The following ZNF292 variants were observed in gnomAD, a reference collection of about 807,000 sequenced individuals.
ZNF292 encodes the protein zinc finger protein 292.
In ZNF292, 26 loss-of-function variants were observed where a neutral mutation model predicts 217.9. That is an observed-to-expected ratio of 0.12 (90% confidence interval 0.09 to 0.17). The LOEUF is 0.17. Ranked by LOEUF, ZNF292 falls within the 10% of genes least tolerant of loss-of-function variation. The probability of loss-of-function intolerance (pLI) is 1.00; values close to 1 mark genes in which losing one functional copy is unlikely to be tolerated. For synonymous variants in ZNF292, 1,257 were observed against 1,124.1 expected (o/e 1.12, Z -2.37); for missense variants, 2,904 against 3,175.2 (o/e 0.91, Z 2.05).
intron 1 of ZNF292, 106 bp downstream of exon 1, chr6:87,155,865 G>C: frequency 1.5e-6 from 2 of 1,367,868 alleles, no homozygotes; most frequent in Non-Finnish European, 1.9e-6. Flanking sequence ...TGGCATCATC[G>C]GCGCCTCCGC....
rs994766466 is a variant in ZNF292 at position 87,194,478 on chromosome 6, AAGAG to A, written c.169-21420_169-21417del. 3.9e-5 allele frequency among the ~76,000 whole-genome samples: 6 copies of A among 152,188 alleles called. No individual in the cohort carries two copies. In the South Asian group the frequency reaches 6.2e-4, roughly 16 times the overall value. ...ACTTGCACATCTGACCAAGTGAAAA[AAGAG>A]AGAGCAGAAGTAGGCAAAATCAGGA... On this transcript the variant is annotated intron_variant, in intron 1 of 7. Coordinates refer to ENST00000369577, the MANE Select transcript of ZNF292 (RefSeq NM_015021.3).
At chr6:87,160,199 G>T (rs1032923891) in intron 1 of ZNF292, among the ~76,000 whole-genome samples, 26 of 152,322 alleles carry the variant, frequency 1.7e-4, no homozygotes, top group African/African-American at 6.3e-4. Context: ...ACTGAGGTGA[G>T]TACAGTAAAG....
At chr6:87,246,351 C>G (rs1199142941) in intron 7 of ZNF292, among the ~76,000 whole-genome samples, 1 of 152,184 alleles carries the variant, frequency 6.6e-6, no homozygotes, top group Non-Finnish European at 1.5e-5. Context: ...CAAACAGCCA[C>G]AAATACGTGA....
rs1257408770 is a variant in ZNF292 at position 87,261,760 on chromosome 6, GATATCAGT to G, written c.8135_8142del (p.Ile2712ArgfsTer2). On this transcript the variant is annotated frameshift_variant, in exon 8 of 8. Coordinates refer to ENST00000369577, the MANE Select transcript of ZNF292 (RefSeq NM_015021.3). LOFTEE classifies it high-confidence loss of function. ...TGATCCAGATATGTCTGTTATGAAAGATATCAGTATAGGTAAAGCCACAGGCAGAGGTC... is the reference window on the plus strand; with the variant it reads ...TGATCCAGATATGTCTGTTATGAAAGATAGGTAAAGCCACAGGCAGAGGTC... 3.1e-6 allele frequency: 5 copies of G among 1,612,670 alleles called. No individual in the cohort carries two copies. In the African/African-American group the frequency reaches 6.7e-5, roughly 22 times the overall value.
At chr6:87,188,161 A>G (rs1474038848) in intron 1 of ZNF292, among the ~76,000 whole-genome samples, 2 of 152,232 alleles carry the variant, frequency 1.3e-5, no homozygotes, top group East Asian at 3.8e-4. Context: ...TGCCAGTTGT[A>G]CATGAAAAAC....
chr6:87,180,600 C>T (rs1771444129), intron 1 of ZNF292, among the ~76,000 whole-genome samples: 1 of 152,196 alleles, frequency 6.6e-6, no homozygotes, highest in African/African-American at 2.4e-5. Flanking sequence ...GGAGGGCTTT[C>T]CTTGTGCAGG....
intron 3 of ZNF292, among the ~76,000 whole-genome samples, chr6:87,216,825 C>T (rs943237867): frequency 3.9e-5 from 6 of 151,994 alleles, no homozygotes; most frequent in Non-Finnish European, 8.8e-5. Flanking sequence ...ACTTGTCTAG[C>T]TAAGATCACA....
intron 1 of ZNF292, among the ~76,000 whole-genome samples, chr6:87,181,974 T>G (rs556344081): frequency 1.3e-5 from 2 of 152,220 alleles, no homozygotes; most frequent in South Asian, 4.2e-4. Context: ...GCCCGGCGGT[T>G]CTCATTTTTT....
At chr6:87,217,342 A>G (rs1772840616) in intron 3 of ZNF292, among the ~76,000 whole-genome samples, 1 of 152,086 alleles carries the variant, frequency 6.6e-6, no homozygotes, top group South Asian at 2.1e-4. Context: ...ATTCTGCATA[A>G]TGTCTTACAC....
chr6:87,169,634 G>A, intron 1 of ZNF292: 1 of 403,912 alleles, frequency 2.5e-6, no homozygotes, highest in Non-Finnish European at 5.1e-6. Flanking sequence ...TGAGCCATTA[G>A]CATTTAGTTG....
In ZNF292 at chr6:87,259,115, A is replaced by AAGG; in HGVS notation, c.5488_5489insGAG (p.Glu1829_Val1830insGly). 6.2e-7 allele frequency: 1 copy of AAGG among 1,613,408 alleles called. No homozygotes were observed. Among genetic ancestry groups the AAGG allele is most frequent in the Non-Finnish European group, 8.5e-7 (1 of 1,179,650 alleles). ...ACAAAAAGTAACATTCCTCAGTCTG[A>AAGG]AGTATCACATAAGGAGGATCAAATA... On this transcript the variant is annotated inframe_insertion, in exon 8 of 8. Transcript: ENST00000369577.
In ZNF292 at chr6:87,215,839, CTGA is replaced by C. The variant is rs1261810339; in HGVS notation, c.169-60_169-58del. On this transcript the variant is annotated intron_variant, in intron 1 of 7. Coordinates refer to ENST00000369577, the MANE Select transcript of ZNF292 (RefSeq NM_015021.3). Reference sequence around the variant, plus strand: ...TTCAAAATTTTTCAGGAAAAAACAGCTGATGAGTCAATGTATATTTTGATTTAC... The same window carrying C: ...TTCAAAATTTTTCAGGAAAAAACAGCTGAGTCAATGTATATTTTGATTTAC... 9 of 1,314,162 alleles carry C rather than the reference CTGA, an allele frequency of 6.8e-6. No homozygotes were observed. The South Asian group carries it at 8.2e-5, about 12-fold the overall frequency. The allele number at this position is 1,314,162 out of a possible 1,614,324, so 81.4% of individuals were successfully genotyped here. A position where few individuals can be genotyped will look rare whatever the true frequency, so the allele number is the denominator to read the frequency against.
At chr6:87,203,133 CTT>C (rs67229216) in intron 1 of ZNF292, among the ~76,000 whole-genome samples, 1,174 of 116,226 alleles carry the variant, frequency 0.01, 13 homozygotes, top group African/African-American at 0.031. Flanking sequence ...ATATATTTTC[CTT>C]TTTTTTTTTT....
chr6:87,255,645 CCAG>C lies in ZNF292; in HGVS notation c.2017_2019del (p.Gln673del). ...CCTATGAGCCAGAAGTGATTCCAGT[CCAG>C]AAACCAGTACCTGTTAATGAATTTA... On this transcript the variant is annotated inframe_deletion, in exon 8 of 8. Coordinates refer to ENST00000369577, the MANE Select transcript of ZNF292 (RefSeq NM_015021.3). 6.2e-7 allele frequency: 1 copy of C among 1,612,906 alleles called. No individual in the cohort carries two copies. The highest frequency in any genetic ancestry group is 8.5e-7 in the Non-Finnish European group (1 of 1,179,386).
chr6:87,176,795 C>T (rs1284852950), intron 1 of ZNF292, among the ~76,000 whole-genome samples: 1 of 152,194 alleles, frequency 6.6e-6, no homozygotes, highest in Non-Finnish European at 1.5e-5. Context: ...CCGTCACTCA[C>T]TCTGGATAGG....
chr6:87,180,188 A>G (rs1021993152), intron 1 of ZNF292, among the ~76,000 whole-genome samples: 2 of 152,152 alleles, frequency 1.3e-5, no homozygotes, highest in Non-Finnish European at 2.9e-5. Context: ...CAAAACAAAA[A>G]CCTTATTTAC....
At chr6:87,253,442 T>C (rs1314175103) in intron 7 of ZNF292, among the ~76,000 whole-genome samples, 1 of 151,714 alleles carries the variant, frequency 6.6e-6, no homozygotes. Flanking sequence ...GTTGCCCAGG[T>C]TGGTCTCGAA....
intron 4 of ZNF292, chr6:87,223,181 A>G: frequency 6.4e-6 from 1 of 156,178 alleles, no homozygotes. Flanking sequence ...CCTGGGTTCA[A>G]GCGATTCTCC....
At position 87,178,996 on chromosome 6, in the gene ZNF292, T is replaced by A. The variant is rs886123239; in HGVS notation, c.168+23237T>A. 2.6e-5 allele frequency among the ~76,000 whole-genome samples: 4 copies of A among 152,322 alleles called. No individual in the cohort carries two copies. The East Asian group carries it at 7.7e-4, about 29-fold the overall frequency. ...GTGGGAATTTCATTAGTTTTGAATTTAAGTGATGTATAGGCCCTTTAAAGG... is the reference window on the plus strand; with the variant it reads ...GTGGGAATTTCATTAGTTTTGAATTAAAGTGATGTATAGGCCCTTTAAAGG... On this transcript the variant is annotated intron_variant, in intron 1 of 7. Transcript: ENST00000369577.
Sources: gnomAD v4.1 joint callset for allele counts (sites outside exome capture counted in the v4.1 genomes callset) on GRCh38, gnomAD v4.1.1 for gene constraint, MANE v1.5 for transcripts, NCBI Gene and HGNC (gene_info 2026-07-23, HGNC 2026-07-21) for gene names.